OXR1: variants seen among roughly 807,000 people sequenced by gnomAD.
OXR1 encodes oxidation resistance protein 1.
In OXR1, 41 loss-of-function variants were observed where a neutral mutation model predicts 104.6. The ratio of observed to expected loss-of-function variants is 0.39; its 90% CI spans 0.31 to 0.51. OXR1 has a LOEUF of 0.51. Ranked by LOEUF, OXR1 falls within the 20% of genes least tolerant of loss-of-function variation. The pLI is 0.77. For synonymous variants in OXR1, 348 were observed against 348.4 expected, an observed-to-expected ratio of 1.00 and a Z score of 0.01; for missense variants, 955 against 1,031.9, an observed-to-expected ratio of 0.93 and a Z score of 1.02.
At chr8:106,364,529 G>C (rs1300889473) in intron 2 of OXR1, among the ~76,000 whole-genome samples, 2 of 152,078 alleles carry the variant, frequency 1.3e-5, no homozygotes, top group African/African-American at 4.8e-5. Context: ...GCAGTGAGCA[G>C]AGATGACACC....
rs557305648 is a variant in OXR1, at chr8:106,330,443, C to T, written c.-138-29033C>T. 6.2e-5 allele frequency among the ~76,000 whole-genome samples: 9 copies of T among 144,296 alleles called. No individual in the cohort carries two copies. In the East Asian group the frequency reaches 1.6e-3, roughly 25 times the overall value. The allele number at this position is 144,296 out of a possible 152,430, so 94.7% of individuals were successfully genotyped here. A position where few individuals can be genotyped will look rare whatever the true frequency, so the allele number is the denominator to read the frequency against. ...GCCTTTTAAAATTTTCTATGCTGTC[C>T]CAGAGACTTCATGAAAAAAAAGTTG... On this transcript the variant is annotated intron_variant, in intron 1 of 16. Transcript: ENST00000517566.
chr8:106,285,735 C>G (rs923837752), intron 1 of OXR1, among the ~76,000 whole-genome samples: 4 of 152,064 alleles, frequency 2.6e-5, no homozygotes, highest in South Asian at 2.1e-4. Context: ...GTGACTAGAG[C>G]AGTTGCAGAG....
At chr8:106,705,210 C>T (rs559916438) in intron 8 of OXR1, among the ~76,000 whole-genome samples, 4 of 152,132 alleles carry the variant, frequency 2.6e-5, no homozygotes, top group African/African-American at 4.8e-5. Flanking sequence ...AACTTTTGCC[C>T]GGTTCCAACA....
intron 3 of OXR1, among the ~76,000 whole-genome samples, chr8:106,537,753 T>G (rs1814653171): frequency 6.6e-6 from 1 of 152,070 alleles, no homozygotes; most frequent in East Asian, 1.9e-4. Flanking sequence ...GTGAAGATAA[T>G]GAAGGAGTTC....
intron 2 of OXR1, among the ~76,000 whole-genome samples, chr8:106,427,918 C>T (rs1343454455): frequency 6.6e-6 from 1 of 152,054 alleles, no homozygotes; most frequent in African/African-American, 2.4e-5. Flanking sequence ...ATTATGGATG[C>T]AAATTAACAA....
intron 2 of OXR1, among the ~76,000 whole-genome samples, chr8:106,461,431 C>T (rs1820907567): frequency 6.6e-6 from 1 of 151,978 alleles, no homozygotes; most frequent in African/African-American, 2.4e-5. Flanking sequence ...ATTAGCCAGG[C>T]ATGGTGGCGT....
chr8:106,392,374 C>T (rs1817618172), intron 2 of OXR1, among the ~76,000 whole-genome samples: 1 of 152,136 alleles, frequency 6.6e-6, no homozygotes, highest in African/African-American at 2.4e-5. Flanking sequence ...GCCTTTAACA[C>T]ATCTAAGTAA....
chr8:106,725,564 G>T (rs1833254248), intron 11 of OXR1, among the ~76,000 whole-genome samples: 1 of 152,140 alleles, frequency 6.6e-6, no homozygotes, highest in Admixed American at 6.5e-5. Flanking sequence ...ACCTTTTCAA[G>T]AAATTAGATG....
intron 3 of OXR1, among the ~76,000 whole-genome samples, chr8:106,624,345 G>A (rs1474836366): frequency 6.6e-6 from 1 of 152,206 alleles, no homozygotes; most frequent in African/African-American, 2.4e-5. Context: ...GAGTAGGGTA[G>A]GGCAGTGGTG....
chr8:106,464,783 A>G (rs1300312805), intron 2 of OXR1, among the ~76,000 whole-genome samples: 1 of 152,038 alleles, frequency 6.6e-6, no homozygotes, highest in African/African-American at 2.4e-5. Context: ...TTTATTGAGC[A>G]CGAAGCATAT....
intron 2 of OXR1, among the ~76,000 whole-genome samples, chr8:106,435,496 A>C (rs558700276): frequency 1.1e-4 from 16 of 152,278 alleles, no homozygotes; most frequent in Non-Finnish European, 1.6e-4. Flanking sequence ...TTACCAGTAC[A>C]TCTGTTTAAT....
chr8:106,492,571 A>G (rs1199849751), intron 2 of OXR1, among the ~76,000 whole-genome samples: 1 of 152,164 alleles, frequency 6.6e-6, no homozygotes, highest in Non-Finnish European at 1.5e-5. Context: ...CTGCACAATG[A>G]TGTGTGTAAA....
intron 11 of OXR1, 108 bp from the exon 12 acceptor site, chr8:106,737,412 C>T: frequency 2.4e-6 from 1 of 409,852 alleles, no homozygotes; most frequent in Admixed American, 4.4e-5. Context: ...ATCCTAATTA[C>T]AGTTCTCTTC....
intron 2 of OXR1, among the ~76,000 whole-genome samples, chr8:106,367,142 A>AAGC (rs1482727102): frequency 1.3e-4 from 19 of 149,842 alleles, no homozygotes; most frequent in African/African-American, 4.2e-4. Flanking sequence ...GGCTCACTGC[A>AAGC]TCCTCGCCTC....
At chr8:106,609,166 T>G (rs1820624092) in intron 3 of OXR1, among the ~76,000 whole-genome samples, 2 of 152,054 alleles carry the variant, frequency 1.3e-5, no homozygotes, top group Non-Finnish European at 2.9e-5. Context: ...CCCAGCACTT[T>G]GAGAGGCTGA....
At chr8:106,658,137 GGGTCCCCGCCCCACC>G in intron 3 of OXR1, 1 of 1,246,072 alleles carries the variant, frequency 8.0e-7, no homozygotes. Flanking sequence ...CCTCGGGTGC[GGGTCCCCGCCCCACC>G]GGCCCCCGGC....
chr8:106,728,203 A>T (rs184718105), intron 11 of OXR1, among the ~76,000 whole-genome samples: 1 of 137,740 alleles, frequency 7.3e-6, no homozygotes, highest in East Asian at 2.2e-4. Context: ...AGGGGCTCTT[A>T]TGCTTCTAAA....
chr8:106,464,654 T>C (rs1821082022), intron 2 of OXR1, among the ~76,000 whole-genome samples: 1 of 152,090 alleles, frequency 6.6e-6, no homozygotes, highest in African/African-American at 2.4e-5. Context: ...GACAGACTCT[T>C]GGCAGTCAGT....
At chr8:106,339,095 A>G (rs1203599600) in intron 1 of OXR1, among the ~76,000 whole-genome samples, 1 of 152,158 alleles carries the variant, frequency 6.6e-6, no homozygotes, top group Non-Finnish European at 1.5e-5. Flanking sequence ...TTTCCCTTTA[A>G]GAACATACTT....
Sources: allele counts gnomAD v4.1 joint callset (sites outside exome capture counted in the v4.1 genomes callset), GRCh38; gene constraint gnomAD v4.1.1; transcripts MANE v1.5; gene names NCBI Gene and HGNC (gene_info 2026-07-23, HGNC 2026-07-21).